The following AEBP2 variants were observed in gnomAD, a reference collection of about 807,000 sequenced individuals.
AEBP2 encodes AE binding protein 2.
In AEBP2, 10 loss-of-function variants were observed where a neutral mutation model predicts 50.8. The observed-to-expected ratio is 0.20, with a 90% CI of 0.12 to 0.33. The LOEUF (loss-of-function observed/expected upper bound fraction) is 0.33. Ranked by LOEUF, AEBP2 falls within the 10% of genes least tolerant of loss-of-function variation. The pLI is 1.00. For missense variants in AEBP2, 570 were observed against 688.0 expected (o/e 0.83, Z 1.92); for synonymous variants, 296 against 261.3 (o/e 1.13, Z -1.28).
chr12:19,477,152 T>C (rs1316220971), intron 3 of AEBP2, among the ~76,000 whole-genome samples: 1 of 152,154 alleles, frequency 6.6e-6, no homozygotes, highest in African/African-American at 2.4e-5. Flanking sequence ...TAATTTACGT[T>C]GATTTTTGTA....
intron 1 of AEBP2, among the ~76,000 whole-genome samples, chr12:19,455,881 A>G (rs905328144): frequency 1.3e-5 from 2 of 152,266 alleles, no homozygotes; most frequent in South Asian, 2.1e-4. Context: ...ATTTTACCAT[A>G]TGAAACAATT....
intron 5 of AEBP2, among the ~76,000 whole-genome samples, chr12:19,505,134 TG>T (rs1417680186): frequency 6.6e-6 from 1 of 152,220 alleles, no homozygotes; most frequent in East Asian, 1.9e-4. Flanking sequence ...CTGGGGACTT[TG>T]TGGGGATTCA....
intron 3 of AEBP2, among the ~76,000 whole-genome samples, chr12:19,487,544 C>T (rs556124513): frequency 2.9e-4 from 44 of 152,050 alleles, no homozygotes; most frequent in African/African-American, 9.6e-4. Context: ...ATGGTGAAAC[C>T]CTGTCTTTTC....
At chr12:19,451,994 G>A (rs1171155577) in intron 1 of AEBP2, among the ~76,000 whole-genome samples, 3 of 152,092 alleles carry the variant, frequency 2.0e-5, no homozygotes, top group East Asian at 3.9e-4. Context: ...GGGTTTAAGC[G>A]ATCCTCCTGC....
chr12:19,503,095 A>G (rs944757676), intron 5 of AEBP2, among the ~76,000 whole-genome samples: 2 of 152,026 alleles, frequency 1.3e-5, no homozygotes, highest in African/African-American at 2.4e-5. Context: ...ATTCCATGTG[A>G]ATTTTAGAAT....
rs1720856238 is a variant in AEBP2 at position 19,518,739 on chromosome 12, T to A, written c.*622T>A. On this transcript the variant is annotated 3_prime_UTR_variant, in exon 8 of 8. Transcript: ENST00000266508. ...ACAGTGAACGACGTTTGCAATCAACTAAAAATTCGTCTATCGAATTAGGGC... is the reference window on the plus strand; with the variant it reads ...ACAGTGAACGACGTTTGCAATCAACAAAAAATTCGTCTATCGAATTAGGGC... 1.3e-6 allele frequency: 2 copies of A among 1,484,356 alleles called. No homozygotes were observed. The highest frequency in any genetic ancestry group is 2.8e-5 in the African/African-American group (2 of 72,234). The allele number at this position is 1,484,356 out of a possible 1,614,324, so 91.9% of individuals were successfully genotyped here. A position where few individuals can be genotyped will look rare whatever the true frequency, so the allele number is the denominator to read the frequency against.
intron 2 of AEBP2, among the ~76,000 whole-genome samples, chr12:19,468,687 G>T (rs960697458): frequency 6.6e-6 from 1 of 152,144 alleles, no homozygotes; most frequent in Non-Finnish European, 1.5e-5. Context: ...TCATACACTG[G>T]TTCAAGGATA....
intron 1 of AEBP2, among the ~76,000 whole-genome samples, chr12:19,441,415 C>T (rs1336496524): frequency 6.6e-6 from 1 of 152,048 alleles, no homozygotes; most frequent in Non-Finnish European, 1.5e-5. Flanking sequence ...AGTGTATTAG[C>T]GTTTATTTTG....
chr12:19,493,819 A>G lies in AEBP2; in HGVS notation c.1007A>G (p.Asn336Ser), dbSNP rs751765035. ...KPFKCVVGGC[N>S]ASFASQGGLA... Reference sequence around the variant, plus strand: ...TTTTAGTGTGTTGTTGGTGGCTGCAATGCCAGCTTTGCTTCTCAGGGAGGG... The same window carrying G: ...TTTTAGTGTGTTGTTGGTGGCTGCAGTGCCAGCTTTGCTTCTCAGGGAGGG... The change falls in exon 4 of 8, where the codon AAT becomes AGT. Residue 336 changes from asparagine (N) to serine (S), a missense_variant. This residue lies in a region of AEBP2 where 184 missense variants were observed against 351.2 expected (regional missense o/e 0.52). Transcript: ENST00000266508. The G allele has an allele frequency of 1.6e-5, 26 of 1,613,648 alleles. No individual in the cohort carries two copies. Among genetic ancestry groups the G allele is most frequent in the South Asian group, 5.5e-5 (5 of 91,060 alleles).
At chr12:19,456,503 T>A in intron 1 of AEBP2, 1 of 1,511,420 alleles carries the variant, frequency 6.6e-7, no homozygotes, top group Non-Finnish European at 9.2e-7. Context: ...GATCCATCTT[T>A]TCCTTCAGCT....
At chr12:19,412,846 A>G (rs941433486) in intron 1 of AEBP2, among the ~76,000 whole-genome samples, 49 of 152,312 alleles carry the variant, frequency 3.2e-4, no homozygotes, top group Non-Finnish European at 6.0e-4. Context: ...GTAAAGAAAT[A>G]AAAGAATGGG....
At chr12:19,428,220 A>C (rs2095749561) in intron 1 of AEBP2, among the ~76,000 whole-genome samples, 1 of 152,134 alleles carries the variant, frequency 6.6e-6, no homozygotes, top group South Asian at 2.1e-4. Context: ...TGGGCAAAAA[A>C]CCAAGACCCT....
chr12:19,518,019 T>C, intron 7 of AEBP2, 68 bp from the exon 8 acceptor site: 1 of 1,379,288 alleles, frequency 7.3e-7, no homozygotes. Flanking sequence ...ATATTTTTAA[T>C]GTCTCTTGAA....
chr12:19,454,906 C>G (rs1350722857), intron 1 of AEBP2, among the ~76,000 whole-genome samples: 5 of 152,130 alleles, frequency 3.3e-5, no homozygotes, highest in Non-Finnish European at 5.9e-5. Context: ...ATTTCAAATT[C>G]AGCAGTTAAC....
At chr12:19,460,464 C>T (rs1195886487) in intron 1 of AEBP2, among the ~76,000 whole-genome samples, 1 of 152,128 alleles carries the variant, frequency 6.6e-6, no homozygotes, top group Non-Finnish European at 1.5e-5. Context: ...AAGCAATTCT[C>T]TGTCTCAGCC....
intron 1 of AEBP2, among the ~76,000 whole-genome samples, chr12:19,449,117 TC>T (rs1948123929): frequency 1.3e-5 from 2 of 152,328 alleles, no homozygotes; most frequent in South Asian, 4.1e-4. Context: ...ATGACAGTAG[TC>T]ATTCTTGTCA....
chr12:19,509,820 CTTTTTTTT>C (rs57103167), intron 5 of AEBP2, among the ~76,000 whole-genome samples: 2 of 68,746 alleles, frequency 2.9e-5, no homozygotes, highest in East Asian at 5.4e-4. Context: ...TGGCTACTTT[CTTTTTTTT>C]TTTTTTTTTT....
At chr12:19,420,208 T>C (rs183011128) in intron 1 of AEBP2, among the ~76,000 whole-genome samples, 40 of 151,254 alleles carry the variant, frequency 2.6e-4, no homozygotes, top group African/African-American at 9.5e-4. Context: ...TTTGTATTTT[T>C]AGTAGAGACG....
chr12:19,514,555 T>TG (rs1949291129), intron 6 of AEBP2, 116 bp from the exon 7 acceptor site: 1 of 676,778 alleles, frequency 1.5e-6, no homozygotes, highest in Non-Finnish European at 2.3e-6. Flanking sequence ...CTGGGAAACT[T>TG]GTTCACTTAA....
Sources: gnomAD v4.1 joint callset for allele counts (sites outside exome capture counted in the v4.1 genomes callset) on GRCh38, gnomAD v4.1.1 for gene constraint, gnomAD v4.1.1 regional missense constraint, MANE v1.5 for transcripts, NCBI Gene and HGNC (gene_info 2026-07-23, HGNC 2026-07-21) for gene names.